Variants in WDR19 observed in about 807,000 individuals in gnomAD.
The protein encoded by WDR19 is WD repeat-containing protein 19.
In WDR19, 121 loss-of-function variants were observed where a neutral mutation model predicts 180.0. That is an observed-to-expected ratio of 0.67 (90% confidence interval 0.58 to 0.78). The LOEUF (loss-of-function observed/expected upper bound fraction) is 0.78. Among genes scored for constraint, WDR19 ranks in the 30% least tolerant of loss-of-function variants. The pLI is 0.00. For synonymous variants in WDR19, 497 were observed against 540.7 expected (o/e 0.92, Z 1.12); for missense variants, 1,450 against 1,640.7 (o/e 0.88, Z 2.01).
intron 30 of WDR19, among the ~76,000 whole-genome samples, chr4:39,268,998 G>C (rs1735079915): frequency 6.6e-6 from 1 of 152,136 alleles, no homozygotes; most frequent in Non-Finnish European, 1.5e-5. Context: ...TGAAAGGATG[G>C]GGGAGCAGGT....
intron 4 of WDR19, among the ~76,000 whole-genome samples, chr4:39,192,572 C>T (rs538717977): frequency 6.6e-6 from 1 of 152,086 alleles, no homozygotes; most frequent in Non-Finnish European, 1.5e-5. Context: ...CGGGTCAAAG[C>T]GATTCTCCTG....
intron 3 of WDR19, among the ~76,000 whole-genome samples, chr4:39,189,085 G>A (rs1345660820): frequency 6.6e-6 from 1 of 152,054 alleles, no homozygotes; most frequent in African/African-American, 2.4e-5. Flanking sequence ...ACCATGCCCA[G>A]CTAATTTTTG....
At chr4:39,186,280 G>GACC (rs1445607976) in intron 2 of WDR19, among the ~76,000 whole-genome samples, 3 of 151,972 alleles carry the variant, frequency 2.0e-5, no homozygotes, top group Non-Finnish European at 4.4e-5. Flanking sequence ...AGGAGTTTGA[G>GACC]ACCAGCCTGG....
chr4:39,244,147 AT>A, intron 21 of WDR19, 100 bp from the exon 22 acceptor site: 1 of 1,341,962 alleles, frequency 7.5e-7, no homozygotes, highest in Non-Finnish European at 9.8e-7. Context: ...AAAGTAAACC[AT>A]AACCTTTGGA....
At chr4:39,280,052 A>G (rs1481993385) in intron 36 of WDR19, among the ~76,000 whole-genome samples, 2 of 142,750 alleles carry the variant, frequency 1.4e-5, no homozygotes, top group East Asian at 4.2e-4. Flanking sequence ...TATATGTTCT[A>G]GATACAAGTT....
chr4:39,235,240 T>C (rs1215533582), intron 20 of WDR19, among the ~76,000 whole-genome samples: 1 of 152,016 alleles, frequency 6.6e-6, no homozygotes, highest in African/African-American at 2.4e-5. Context: ...GATCCTCCCT[T>C]CTCAGCTTCC....
intron 32 of WDR19, 27 bp downstream of exon 32, chr4:39,273,088 C>A: frequency 1.3e-6 from 2 of 1,484,200 alleles, no homozygotes; most frequent in African/African-American, 2.8e-5. Context: ...AGAGCTCTCA[C>A]CCATGCCCCA....
rs9999445 is a variant in WDR19 at position 39,257,742 on chromosome 4, G to T, written c.3183+188G>T. Among the ~76,000 whole-genome samples, 11,700 of 147,202 alleles carry T rather than the reference G, an allele frequency of 0.079. 1,498 individuals are homozygous for T. Among genetic ancestry groups the T allele is most frequent in the African/African-American group, 0.28 (11,079 of 40,264 alleles). On this transcript the variant is annotated intron_variant, in intron 28 of 36. Coordinates refer to ENST00000399820, the MANE Select transcript of WDR19 (RefSeq NM_025132.4). ...TTCATACCCTCACCCTCTTTCCCCG[G>T]TTTTTTTTTTAAGTAAATCACAGTC... is the stretch of plus-strand genomic sequence containing the variant.
At chr4:39,278,801 T>C (rs1736170573) in intron 36 of WDR19, 138 bp downstream of exon 36, 1 of 428,770 alleles carries the variant, frequency 2.3e-6, no homozygotes, top group Middle Eastern at 4.8e-4. Flanking sequence ...CAACCACCTT[T>C]TGATGTATTT....
intron 21 of WDR19, among the ~76,000 whole-genome samples, 185 bp from the exon 22 acceptor site, chr4:39,244,063 G>GT (rs1035452121): frequency 1.1e-4 from 17 of 150,344 alleles, no homozygotes; most frequent in Non-Finnish European, 2.4e-4. Context: ...ATATAATTTT[G>GT]TAATAGCTGG....
intron 6 of WDR19, among the ~76,000 whole-genome samples, chr4:39,203,025 C>G (rs1161890373): frequency 1.3e-5 from 2 of 151,950 alleles, no homozygotes; most frequent in Non-Finnish European, 2.9e-5. Flanking sequence ...TACCAAATGA[C>G]CTAACATACA....
At chr4:39,230,630 A>C (rs1730743856) in intron 17 of WDR19, among the ~76,000 whole-genome samples, 1 of 152,214 alleles carries the variant, frequency 6.6e-6, no homozygotes, top group Admixed American at 6.5e-5. Context: ...TACCTCTGTC[A>C]AACTATGCTA....
At chr4:39,228,831 G>A (rs1455546636) in intron 17 of WDR19, 141 bp downstream of exon 17, 1 of 922,340 alleles carries the variant, frequency 1.1e-6, no homozygotes, top group African/African-American at 1.7e-5. Context: ...AAATGTAGAA[G>A]TACAAGTGCA....
intron 9 of WDR19, among the ~76,000 whole-genome samples, chr4:39,210,990 A>C (rs1901404): frequency 0.39 from 59,732 of 151,456 alleles, 13,464 homozygotes; most frequent in African/African-American, 0.63. Context: ...CCTGTAGTCC[A>C]AGCAACTTGG....
Position 39,216,150 on chromosome 4 carries a change from C to T in WDR19, c.1189C>T (p.Leu397Phe). Reference protein sequence around the residue: ...DVEPNFVAVGLYHLAVGMNNR... With the variant: ...DVEPNFVAVGFYHLAVGMNNR... ...GGAACCCAACTTTGTGGCAGTAGGT[C>T]TTTATCATCTGGCTGTAGGAATGAA... The change falls in exon 12 of 37, where the codon CTT becomes TTT. Residue 397 changes from leucine to phenylalanine, a missense_variant. Coordinates refer to ENST00000399820, the MANE Select transcript of WDR19 (RefSeq NM_025132.4). 1 of 1,594,730 alleles carries T rather than the reference C, an allele frequency of 6.3e-7. No homozygotes were observed.
chr4:39,238,698 TG>T (rs758584016), intron 20 of WDR19, among the ~76,000 whole-genome samples: 2 of 152,202 alleles, frequency 1.3e-5, no homozygotes, highest in Non-Finnish European at 2.9e-5. Context: ...AAAATGTCCT[TG>T]TACATTAATA....
At chr4:39,231,360 G>A (rs1410067377) in intron 17 of WDR19, among the ~76,000 whole-genome samples, 1 of 146,324 alleles carries the variant, frequency 6.8e-6, no homozygotes, top group African/African-American at 2.5e-5. Context: ...CAGTGACTTT[G>A]TTCCACTCAA....
intron 33 of WDR19, 42 bp downstream of exon 33, chr4:39,275,000 C>G (rs1352223322): frequency 6.4e-7 from 1 of 1,563,416 alleles, no homozygotes; most frequent in African/African-American, 1.9e-5. Context: ...TCGTATTTCT[C>G]AAAGTATTTC....
chr4:39,246,471 G>A (rs910136208), intron 24 of WDR19, among the ~76,000 whole-genome samples: 12 of 152,192 alleles, frequency 7.9e-5, no homozygotes, highest in Non-Finnish European at 1.6e-4. Context: ...CTGAGGTACC[G>A]GGTTCATCTC....
Sources: gnomAD v4.1 joint callset for allele counts (sites outside exome capture counted in the v4.1 genomes callset) on GRCh38, gnomAD v4.1.1 for gene constraint, MANE v1.5 for transcripts, NCBI Gene and HGNC (gene_info 2026-07-23, HGNC 2026-07-21) for gene names.